The following ERC2 variants were observed in gnomAD, a reference collection of about 807,000 sequenced individuals.
ERC2 encodes the protein ELKS/RAB6-interacting/CAST family member 2.
ERC2 carries 42 observed loss-of-function variants against 114.8 expected under a neutral mutation model. The ratio of observed to expected loss-of-function variants is 0.37; its 90% CI spans 0.29 to 0.47. The LOEUF is 0.47. Ranked by LOEUF, ERC2 falls within the 20% of genes least tolerant of loss-of-function variation. The pLI is 0.99. For synonymous variants in ERC2, 454 were observed against 425.5 expected, an observed-to-expected ratio of 1.07 and a Z score of -0.82; for missense variants, 939 against 1,150.7, an observed-to-expected ratio of 0.82 and a Z score of 2.66.
intron 14 of ERC2, among the ~76,000 whole-genome samples, chr3:55,781,448 C>T (rs1559644530): frequency 6.6e-6 from 1 of 151,976 alleles, no homozygotes; most frequent in Non-Finnish European, 1.5e-5. Flanking sequence ...AAACATTTGT[C>T]TTCTGAATTT....
chr3:56,366,760 G>A (rs544606457), intron 2 of ERC2, among the ~76,000 whole-genome samples: 1 of 152,218 alleles, frequency 6.6e-6, no homozygotes, highest in Admixed American at 6.5e-5. Flanking sequence ...CTATAAGCCT[G>A]TTGTCTAAGC....
At chr3:56,050,993 T>C (rs2075735908) in intron 7 of ERC2, among the ~76,000 whole-genome samples, 1 of 152,200 alleles carries the variant, frequency 6.6e-6, no homozygotes, top group Non-Finnish European at 1.5e-5. Flanking sequence ...GAGAAACTCA[T>C]ATAAGGATTT....
At chr3:56,224,580 C>A (rs986356628) in intron 3 of ERC2, among the ~76,000 whole-genome samples, 6 of 152,094 alleles carry the variant, frequency 3.9e-5, no homozygotes, top group Admixed American at 3.3e-4. Context: ...AACTATAGAA[C>A]TTTGAGCAAC....
At chr3:55,941,681 C>A (rs1305938402) in intron 13 of ERC2, among the ~76,000 whole-genome samples, 1 of 152,162 alleles carries the variant, frequency 6.6e-6, no homozygotes, top group Non-Finnish European at 1.5e-5. Context: ...GTTGAATTTT[C>A]TAAAATATCC....
chr3:55,550,999 A>G (rs562314621), intron 17 of ERC2, among the ~76,000 whole-genome samples: 13 of 149,364 alleles, frequency 8.7e-5, no homozygotes, highest in East Asian at 4.0e-4. Flanking sequence ...CTGGGTGACA[A>G]AGCAAGACTC....
chr3:55,795,265 G>C (rs2070381931), intron 14 of ERC2, among the ~76,000 whole-genome samples: 1 of 152,082 alleles, frequency 6.6e-6, no homozygotes, highest in Non-Finnish European at 1.5e-5. Context: ...ATCCTGGATG[G>C]TACAATGCCT....
At chr3:56,116,316 G>C (rs1387721314) in intron 6 of ERC2, among the ~76,000 whole-genome samples, 1 of 152,106 alleles carries the variant, frequency 6.6e-6, no homozygotes, top group African/African-American at 2.4e-5. Flanking sequence ...AGGGTTTGTT[G>C]GCTGCCATGA....
At chr3:56,157,746 GAA>G (rs111838946) in intron 4 of ERC2, among the ~76,000 whole-genome samples, 6 of 134,444 alleles carry the variant, frequency 4.5e-5, no homozygotes, top group Admixed American at 7.5e-5. Flanking sequence ...TTGTCTCATG[GAA>G]AAAAAAAAAA....
chr3:56,216,823 A>T (rs1405858571), intron 3 of ERC2, among the ~76,000 whole-genome samples: 2 of 152,236 alleles, frequency 1.3e-5, no homozygotes, highest in Non-Finnish European at 2.9e-5. Flanking sequence ...CCTGGGATGC[A>T]AGGCTGGTTC....
intron 16 of ERC2, among the ~76,000 whole-genome samples, chr3:55,697,996 TG>T (rs933448627): frequency 4.6e-5 from 7 of 151,836 alleles, no homozygotes; most frequent in African/African-American, 1.7e-4. Flanking sequence ...GTGGTGGTGG[TG>T]ATGGTGAAGG....
chr3:56,081,563 GA>G (rs542637918), intron 6 of ERC2, among the ~76,000 whole-genome samples: 7 of 143,692 alleles, frequency 4.9e-5, no homozygotes, highest in East Asian at 2.0e-4. Context: ...TACTTTTAAA[GA>G]AAAAAAAAGA....
chr3:55,693,573 G>A (rs1466253997), intron 16 of ERC2, among the ~76,000 whole-genome samples: 1 of 151,766 alleles, frequency 6.6e-6, no homozygotes, highest in East Asian at 1.9e-4. Flanking sequence ...AGGGACAGCA[G>A]GAATAGAGAA....
At chr3:55,686,743 T>C (rs1297072426) in intron 16 of ERC2, among the ~76,000 whole-genome samples, 1 of 152,232 alleles carries the variant, frequency 6.6e-6, no homozygotes, top group East Asian at 1.9e-4. Context: ...TTTCCTTTCC[T>C]TGTTTTTCTG....
intron 17 of ERC2, among the ~76,000 whole-genome samples, chr3:55,549,016 T>C (rs1309786599): frequency 1.3e-5 from 2 of 152,244 alleles, no homozygotes; most frequent in African/African-American, 2.4e-5. Flanking sequence ...CACCGTGCTA[T>C]GCAGGTCAAA....
At chr3:56,112,535 C>T (rs929493409) in intron 6 of ERC2, among the ~76,000 whole-genome samples, 14 of 151,878 alleles carry the variant, frequency 9.2e-5, no homozygotes, top group African/African-American at 2.7e-4. Context: ...CCATCAATTC[C>T]TCTTCAGTCT....
intron 3 of ERC2, among the ~76,000 whole-genome samples, chr3:56,204,766 G>C (rs1486410529): frequency 6.6e-6 from 1 of 151,992 alleles, no homozygotes; most frequent in Non-Finnish European, 1.5e-5. Context: ...CTCCCAAAGT[G>C]CTGGAATTAC....
intron 17 of ERC2, among the ~76,000 whole-genome samples, chr3:55,572,333 G>A (rs1215276931): frequency 6.6e-6 from 1 of 152,182 alleles, no homozygotes; most frequent in Non-Finnish European, 1.5e-5. Context: ...AGAGGCACAG[G>A]AACCCAAGGG....
chr3:55,870,583 G>C (rs893655229), intron 14 of ERC2, among the ~76,000 whole-genome samples: 12 of 152,262 alleles, frequency 7.9e-5, no homozygotes, highest in African/African-American at 2.9e-4. Context: ...CAGCAGAGCA[G>C]GTGTAGGGCC....
chr3:55,890,454 ATCTC>A (rs973088876), intron 13 of ERC2, among the ~76,000 whole-genome samples: 4 of 152,056 alleles, frequency 2.6e-5, no homozygotes, highest in Non-Finnish European at 5.9e-5. Context: ...CATTTGTTCA[ATCTC>A]TCTCTCATTC....
Sources: gnomAD v4.1 joint callset for allele counts (sites outside exome capture counted in the v4.1 genomes callset) on GRCh38, gnomAD v4.1.1 for gene constraint, MANE v1.5 for transcripts, NCBI Gene and HGNC (gene_info 2026-07-23, HGNC 2026-07-21) for gene names.